NKAIN3: variants seen among roughly 807,000 people sequenced by gnomAD.
NKAIN3 encodes the protein sodium/potassium-transporting ATPase subunit beta-1-interacting protein 3.
Under a neutral mutation model 30.2 loss-of-function variants are expected in NKAIN3, and 25 were observed. That is an observed-to-expected ratio of 0.83 (90% CI 0.60 to 1.16). The LOEUF is 1.16. NKAIN3 is among the 50% of genes most tolerant of loss of function. The pLI is 0.00. For missense variants in NKAIN3, 225 were observed against 254.1 expected (o/e 0.89, Z 0.78); for synonymous variants, 91 against 89.6 (o/e 1.02, Z -0.09).
intron 4 of NKAIN3, among the ~76,000 whole-genome samples, chr8:62,785,869 C>T (rs1817500497): frequency 6.6e-6 from 1 of 152,066 alleles, no homozygotes; most frequent in Non-Finnish European, 1.5e-5. Flanking sequence ...CCTTATTTCT[C>T]ATAAATCCAG....
rs538814825 is a variant in NKAIN3, at chr8:62,976,454, G to C, written c.*11047G>C. Among the ~76,000 whole-genome samples the C allele has an allele frequency of 5.5e-4, 83 of 152,066 alleles. No individual in the cohort carries two copies. Among genetic ancestry groups the C allele is most frequent in the African/African-American group, 1.7e-3 (71 of 41,526 alleles). Reference sequence around the variant, plus strand: ...TATTATGTAATGGCCTTCTGTGTCTGTTTTGATTTTTGTTGGCTTAAAGTC... The same window carrying C: ...TATTATGTAATGGCCTTCTGTGTCTCTTTTGATTTTTGTTGGCTTAAAGTC... On this transcript the variant is annotated 3_prime_UTR_variant, in exon 7 of 7. Transcript: ENST00000623646.
chr8:62,685,337 G>T (rs921153579), intron 3 of NKAIN3, among the ~76,000 whole-genome samples: 4 of 152,006 alleles, frequency 2.6e-5, no homozygotes, highest in Non-Finnish European at 5.9e-5. Context: ...ATGTTAAAAG[G>T]GTTCAGTCCT....
chr8:62,594,457 T>C (rs1299604671), intron 3 of NKAIN3, among the ~76,000 whole-genome samples: 1 of 152,080 alleles, frequency 6.6e-6, no homozygotes, highest in African/African-American at 2.4e-5. Context: ...AGATCAAAAT[T>C]CTTGCTCCTT....
chr8:62,385,285 A>G (rs978263730), intron 1 of NKAIN3, among the ~76,000 whole-genome samples: 4 of 152,164 alleles, frequency 2.6e-5, no homozygotes, highest in African/African-American at 9.7e-5. Flanking sequence ...AACTCTTATC[A>G]TAACCCTGGA....
chr8:62,754,818 T>C (rs1302794308), intron 4 of NKAIN3, among the ~76,000 whole-genome samples: 1 of 152,204 alleles, frequency 6.6e-6, no homozygotes, highest in African/African-American at 2.4e-5. Flanking sequence ...TGTATAGCTA[T>C]CTGTTCATAT....
In NKAIN3 at chr8:62,982,120, G is replaced by T. The variant is rs1367455508; in HGVS notation, c.*16713G>T. On this transcript the variant is annotated 3_prime_UTR_variant, in exon 7 of 7. Transcript: ENST00000623646. ...ATGGGGATAGTTAAGGTAAGAGCCT[G>T]CAGGCAGCACTGTATTGCTTTACAA... The T allele has an allele frequency of 6.6e-6, 1 of 152,162 alleles. No individual in the cohort carries two copies. Among genetic ancestry groups the T allele is most frequent in the East Asian group, 1.9e-4 (1 of 5,202 alleles). 9.4% of individuals were successfully genotyped at this position (152,162 alleles called of 1,614,324 possible).
chr8:62,535,864 A>G (rs1413374599), intron 1 of NKAIN3, among the ~76,000 whole-genome samples: 3 of 152,252 alleles, frequency 2.0e-5, no homozygotes. Context: ...CAGAAAGTCC[A>G]GGGAAGATTA....
rs142218153 is a variant in NKAIN3 at position 62,705,915 on chromosome 8, TC to T, written c.274-41015del. On this transcript the variant is annotated intron_variant, in intron 3 of 6. Coordinates refer to ENST00000623646, the MANE Select transcript of NKAIN3 (RefSeq NM_001304533.3). ...TTTTGATCTTTATGGCAGGAGCCTT[TC>T]CACAGGTTTTTCTCATCTTTGACTT... 9.8e-3 allele frequency among the ~76,000 whole-genome samples: 1,498 copies of T among 152,232 alleles called. 24 individuals carry two copies. The highest frequency in any genetic ancestry group is 0.034 in the African/African-American group (1,419 of 41,542).
rs182717990 is a variant in NKAIN3 at position 62,880,712 on chromosome 8, T to A, written c.472-37741T>A. Reference sequence around the variant, plus strand: ...ACACAGGACATAGATGGTTTAGGCATCTTCCCTATGGGGACTCCAGATAGA... The same window carrying A: ...ACACAGGACATAGATGGTTTAGGCAACTTCCCTATGGGGACTCCAGATAGA... On this transcript the variant is annotated intron_variant, in intron 4 of 6. Coordinates refer to ENST00000623646, the MANE Select transcript of NKAIN3 (RefSeq NM_001304533.3). Among the ~76,000 whole-genome samples the A allele has an allele frequency of 1.3e-3, 195 of 152,342 alleles. 1 individual carries two copies. The highest frequency in any genetic ancestry group is 4.6e-3 in the African/African-American group (190 of 41,580).
intron 4 of NKAIN3, chr8:62,863,040 T>A: frequency 1.3e-6 from 1 of 759,886 alleles, no homozygotes; most frequent in Non-Finnish European, 2.2e-6. Flanking sequence ...GATGTGACTA[T>A]GGAGACTCTA....
intron 1 of NKAIN3, among the ~76,000 whole-genome samples, chr8:62,524,309 G>T (rs747543887): frequency 4.3e-4 from 66 of 151,844 alleles, no homozygotes; most frequent in Non-Finnish European, 8.5e-4. Flanking sequence ...TAACAAACAG[G>T]CTATATCTCT....
chr8:62,466,150 C>T (rs769955243), intron 1 of NKAIN3, among the ~76,000 whole-genome samples: 12 of 151,988 alleles, frequency 7.9e-5, no homozygotes, highest in Admixed American at 1.3e-4. Context: ...GGAAGAGAAC[C>T]TTAACGAAAG....
chr8:62,590,139 A>T (rs1810609537), intron 3 of NKAIN3, among the ~76,000 whole-genome samples: 3 of 151,736 alleles, frequency 2.0e-5, no homozygotes, highest in Non-Finnish European at 4.4e-5. Flanking sequence ...ATGGTTTTGA[A>T]CATGCTTGTG....
intron 3 of NKAIN3, among the ~76,000 whole-genome samples, chr8:62,593,415 T>C (rs1810719025): frequency 6.6e-6 from 1 of 151,932 alleles, no homozygotes; most frequent in South Asian, 2.1e-4. Flanking sequence ...TTTAAGTTGC[T>C]TATTAGAAAA....
At chr8:62,406,707 T>C (rs1000879799) in intron 1 of NKAIN3, among the ~76,000 whole-genome samples, 1 of 152,210 alleles carries the variant, frequency 6.6e-6, no homozygotes, top group Non-Finnish European at 1.5e-5. Flanking sequence ...TGCTGATTTA[T>C]ATGAAGTCTT....
intron 4 of NKAIN3, among the ~76,000 whole-genome samples, chr8:62,858,302 G>A (rs1340477707): frequency 6.6e-6 from 1 of 152,104 alleles, no homozygotes; most frequent in Non-Finnish European, 1.5e-5. Context: ...TGAAGACTTT[G>A]TTTGGGAGGT....
chr8:62,349,628 A>G (rs927501538), intron 1 of NKAIN3, among the ~76,000 whole-genome samples: 1 of 152,186 alleles, frequency 6.6e-6, no homozygotes, highest in African/African-American at 2.4e-5. Context: ...CCTGGGTCCC[A>G]GCACACACAG....
At chr8:62,713,983 T>C (rs1814810609) in intron 3 of NKAIN3, among the ~76,000 whole-genome samples, 1 of 152,152 alleles carries the variant, frequency 6.6e-6, no homozygotes. Flanking sequence ...AGTATAATAT[T>C]TCCTTAAGGA....
At chr8:62,410,143 T>G (rs1804196366) in intron 1 of NKAIN3, among the ~76,000 whole-genome samples, 2 of 152,074 alleles carry the variant, frequency 1.3e-5, no homozygotes, top group Non-Finnish European at 2.9e-5. Flanking sequence ...ATTGTTTCCA[T>G]GTTCATGTCC....
Sources: gnomAD v4.1 joint callset for allele counts (sites outside exome capture counted in the v4.1 genomes callset) on GRCh38, gnomAD v4.1.1 for gene constraint, MANE v1.5 for transcripts, NCBI Gene and HGNC (gene_info 2026-07-23, HGNC 2026-07-21) for gene names.